Variants in TRRAP observed in about 807,000 individuals in gnomAD.
The protein encoded by TRRAP is transformation/transcription domain associated protein, also known as transformation/transcription domain-associated protein.
In TRRAP, 41 loss-of-function variants were observed where a neutral mutation model predicts 438.8. The ratio of observed to expected loss-of-function variants is 0.09; its 90% CI spans 0.07 to 0.12. TRRAP has a LOEUF of 0.12. Ranked by LOEUF, TRRAP falls within the 10% of genes least tolerant of loss-of-function variation. The probability of loss-of-function intolerance (pLI) is 1.00; values close to 1 mark genes in which losing one functional copy is unlikely to be tolerated. For synonymous variants in TRRAP, 1,994 were observed against 1,962.9 expected (o/e 1.02, Z -0.42); for missense variants, 3,122 against 5,055.1 (o/e 0.62, Z 11.60).
rs1554408070 is a variant in TRRAP, at chr7:98,908,997, ACT to A, written c.1350+38_1350+39del. 6.5e-7 allele frequency: 1 copy of A among 1,546,008 alleles called. No individual in the cohort carries two copies. The highest frequency in any genetic ancestry group is 8.8e-7 in the Non-Finnish European group (1 of 1,138,084). On this transcript the variant is annotated intron_variant, in intron 14 of 72. Transcript: ENST00000456197. This position sits in a 1 kb window ranked among gnomAD's most constrained non-coding sequence, Gnocchi z 4.1. The stretch of plus-strand genomic sequence containing the variant: ...CTTCTGAGAGTATCATCCATCCTGC[ACT>A]CTATCCTGTTTGTGGCTAAATTTTT...
chr7:98,891,708 TG>T (rs1210234485), intron 4 of TRRAP, among the ~76,000 whole-genome samples: 1 of 151,524 alleles, frequency 6.6e-6, no homozygotes, highest in East Asian at 2.0e-4. Flanking sequence ...GCTAATTTTT[TG>T]TATTTTTTTT....
At chr7:98,936,759 C>T (rs1271477026) in intron 28 of TRRAP, among the ~76,000 whole-genome samples, 1 of 152,204 alleles carries the variant, frequency 6.6e-6, no homozygotes, top group Non-Finnish European at 1.5e-5. Flanking sequence ...AAGCTTTCTT[C>T]TTCTCATCTG....
At chr7:98,990,183 G>A (rs1481783727) in intron 63 of TRRAP, among the ~76,000 whole-genome samples, 3 of 152,124 alleles carry the variant, frequency 2.0e-5, no homozygotes, top group Admixed American at 6.5e-5. Context: ...AGCCAAGATC[G>A]CACCACGGCA....
chr7:98,903,998 T>C (rs1554407138), intron 12 of TRRAP, among the ~76,000 whole-genome samples: 1 of 152,034 alleles, frequency 6.6e-6, no homozygotes, highest in African/African-American at 2.4e-5. Context: ...TTAGTAGAGA[T>C]GGGATTTCAC....
At chr7:98,943,573 C>T (rs1422416947) in intron 31 of TRRAP, among the ~76,000 whole-genome samples, 1 of 152,132 alleles carries the variant, frequency 6.6e-6, no homozygotes, top group African/African-American at 2.4e-5. Flanking sequence ...TATGACTGGC[C>T]CTTCAAAGCA....
In TRRAP at chr7:98,956,269, A is replaced by G. The variant is rs1554419751; in HGVS notation, c.6061A>G (p.Ile2021Val). 1 of 1,614,252 alleles carries G rather than the reference A, an allele frequency of 6.2e-7. No individual in the cohort carries two copies. The highest frequency in any genetic ancestry group is 8.5e-7 in the Non-Finnish European group (1 of 1,180,038). Residue 2021 changes from isoleucine (I) to valine (V), a missense_variant, in exon 42 of 73, where the codon ATC becomes GTC. Physicochemically the swap from Ile to Val is conservative, Grantham distance 29. Coordinates refer to ENST00000456197, the MANE Select transcript of TRRAP (RefSeq NM_001375524.1). The surrounding 1 kb of genome is among the most constrained non-coding windows in gnomAD (Gnocchi z 4.5). Reference protein sequence around the residue: ...RLAVDLSEVVIKWELQRIKDQ... With the variant: ...RLAVDLSEVVVKWELQRIKDQ... ...GGCCGTGGACCTGTCTGAAGTCGTC[A>G]TCAAGTGGGAGCTGCAGAGGATCAA... is the stretch of plus-strand genomic sequence containing the variant.
chr7:98,980,394 T>G (rs2116748649), intron 58 of TRRAP, among the ~76,000 whole-genome samples: 1 of 151,844 alleles, frequency 6.6e-6, no homozygotes, highest in African/African-American at 2.4e-5. Flanking sequence ...ATCACAGAGA[T>G]GTTTGAAAAC....
At chr7:98,884,360 G>C (rs1033034889) in intron 3 of TRRAP, among the ~76,000 whole-genome samples, 1 of 152,018 alleles carries the variant, frequency 6.6e-6, no homozygotes, top group Admixed American at 6.6e-5. Flanking sequence ...TCAGCCTCTG[G>C]AGTAGCTGGG....
At position 98,955,269 on chromosome 7, in the gene TRRAP, G is replaced by C. The variant is rs1221803897; in HGVS notation, c.5902G>C (p.Val1968Leu). 3 of 1,613,918 alleles carry C rather than the reference G, an allele frequency of 1.9e-6. No homozygotes were observed. The highest frequency in any genetic ancestry group is 2.5e-6 in the Non-Finnish European group (3 of 1,179,934). ...GGAGGGGCACACCGTCCCGCAGCTG[G>C]TCCACATTCTGCACCTGATAGTGCA... ...VEEGHTVPQLVHILHLIVQHF... is the reference protein window; with the variant it reads ...VEEGHTVPQLLHILHLIVQHF... The change falls in exon 41 of 73, where the codon GTC becomes CTC. Residue 1968 changes from valine to leucine, a missense_variant. Physicochemically the swap from Val to Leu is conservative, Grantham distance 32. This residue lies in a region of TRRAP where 35 missense variants were observed against 104.9 expected (regional missense o/e 0.33). Coordinates refer to ENST00000456197, the MANE Select transcript of TRRAP (RefSeq NM_001375524.1).
Position 99,012,427 on chromosome 7 carries a change from C to A in TRRAP, c.*72C>A. On this transcript the variant is annotated 3_prime_UTR_variant, in exon 73 of 73. Transcript: ENST00000456197. This position sits in a 1 kb window ranked among gnomAD's most constrained non-coding sequence, Gnocchi z 5.9. ...TGAGCCCGCAGCTTTTACGACTTCTCCCTGCCTCGTTCCTTATATTCACAG... is the reference window on the plus strand; with the variant it reads ...TGAGCCCGCAGCTTTTACGACTTCTACCTGCCTCGTTCCTTATATTCACAG... 6.8e-7 allele frequency: 1 copy of A among 1,471,000 alleles called. No individual in the cohort carries two copies. The highest frequency in any genetic ancestry group is 1.4e-5 in the South Asian group (1 of 73,384). 91.1% of individuals were successfully genotyped at this position (1,471,000 alleles called of 1,614,324 possible). A position where few individuals can be genotyped will look rare whatever the true frequency, so the allele number is the denominator to read the frequency against.
chr7:98,956,328 GC>G lies in TRRAP; in HGVS notation c.6096+28del. ...AGGTAGGGGTGTCAGCCTCAGGGGT[GC>G]CCCGATCGTCTTCCTTTGACTTCTC... is the stretch of plus-strand genomic sequence containing the variant. On this transcript the variant is annotated intron_variant, in intron 42 of 72. Transcript: ENST00000456197. This position sits in a 1 kb window ranked among gnomAD's most constrained non-coding sequence, Gnocchi z 4.5. 2 of 1,613,714 alleles carry G rather than the reference GC, an allele frequency of 1.2e-6. No individual in the cohort carries two copies. The highest frequency in any genetic ancestry group is 1.7e-6 in the Non-Finnish European group (2 of 1,179,690).
At chr7:98,900,022 A>G (rs782022287) in intron 10 of TRRAP, among the ~76,000 whole-genome samples, 9 of 152,234 alleles carry the variant, frequency 5.9e-5, no homozygotes, top group Admixed American at 1.3e-4. Flanking sequence ...ACCGTGCTCA[A>G]TGACAGCTAT....
chr7:98,955,550 G>T (rs1180918684), intron 41 of TRRAP, among the ~76,000 whole-genome samples: 3 of 152,188 alleles, frequency 2.0e-5, no homozygotes, highest in Admixed American at 6.5e-5. Flanking sequence ...TAAGTACTGT[G>T]CCCAGTTAAC....
At position 99,011,999 on chromosome 7, in the gene TRRAP, C is replaced by T. The variant is rs1330907748; in HGVS notation, c.11338-72C>T. 1.9e-6 allele frequency: 3 copies of T among 1,561,128 alleles called. No homozygotes were observed. The highest frequency in any genetic ancestry group is 1.7e-6 in the Non-Finnish European group (2 of 1,149,964). On this transcript the variant is annotated intron_variant, in intron 72 of 72. Transcript: ENST00000456197. The surrounding 1 kb of genome is among the most constrained non-coding windows in gnomAD (Gnocchi z 7.1). ...GAGCGGCCGCTGTGGTTGAGTCCCACCTTGTTAGGAAGCTGCCCCTGTGGG... is the reference window on the plus strand; with the variant it reads ...GAGCGGCCGCTGTGGTTGAGTCCCATCTTGTTAGGAAGCTGCCCCTGTGGG...
At chr7:98,881,862 G>C in intron 2 of TRRAP, 113 bp from the exon 3 acceptor site, 2 of 1,208,630 alleles carry the variant, frequency 1.7e-6, no homozygotes, top group Non-Finnish European at 2.3e-6. Context: ...GGCCATGACA[G>C]TCAAACTGAT....
intron 14 of TRRAP, 97 bp from the exon 15 acceptor site, chr7:98,909,959 G>A: frequency 1.4e-6 from 2 of 1,465,236 alleles, no homozygotes; most frequent in Non-Finnish European, 1.8e-6. Context: ...TGAGCAGCTG[G>A]TGTCAGTCCC....
intron 40 of TRRAP, among the ~76,000 whole-genome samples, chr7:98,953,946 A>G (rs1009817020): frequency 5.9e-5 from 9 of 152,204 alleles, no homozygotes; most frequent in Admixed American, 3.9e-4. Context: ...TTTTAAAAGG[A>G]AAGGTCACCC....
At chr7:98,906,400 T>C in intron 13 of TRRAP, 145 bp downstream of exon 13, 1 of 298,014 alleles carries the variant, frequency 3.4e-6, no homozygotes, top group Non-Finnish European at 6.2e-6. Context: ...TTTTTGTTTT[T>C]GTTTTATTTA....
intron 13 of TRRAP, 58 bp downstream of exon 13, chr7:98,906,313 G>T: frequency 7.1e-7 from 1 of 1,418,296 alleles, no homozygotes; most frequent in Non-Finnish European, 9.9e-7. Flanking sequence ...TCAGTTACTG[G>T]CACTTCATGT....
Sources: gnomAD v4.1 joint callset for allele counts (sites outside exome capture counted in the v4.1 genomes callset) on GRCh38, gnomAD v4.1.1 for gene constraint, gnomAD v4.1.1 regional missense constraint, Gnocchi (gnomAD v3.1) non-coding constraint, MANE v1.5 for transcripts, NCBI Gene and HGNC (gene_info 2026-07-23, HGNC 2026-07-21) for gene names.